Variants in MROH2B observed in about 807,000 individuals in gnomAD.
The protein encoded by MROH2B is maestro heat-like repeat-containing protein family member 2B.
A neutral mutation model predicts 208.6 loss-of-function variants in MROH2B; 177 were observed. The ratio of observed to expected loss-of-function variants is 0.85; its 90% CI spans 0.75 to 0.96. The LOEUF (loss-of-function observed/expected upper bound fraction) is 0.96. MROH2B is among the 40% of genes least tolerant of loss of function. The pLI, the probability that MROH2B is intolerant of heterozygous loss-of-function variation, is 0.00. For missense variants in MROH2B, 2,002 were observed against 1,878.7 expected (o/e 1.07, Z -1.21); for synonymous variants, 728 against 659.0 (o/e 1.10, Z -1.60).
Position 41,018,902 on chromosome 5 carries a change from T to A in MROH2B, c.2558A>T (p.Lys853Met). The change falls in exon 25 of 42, where the codon AAG becomes ATG. Residue 853 changes from lysine to methionine, a missense_variant. By Grantham distance (95) the Lys-to-Met change is moderately conservative. Transcript: ENST00000399564. ...GCATACTTGAATGTGCTCCTTGTCC[T>A]TGTCTGTCTGGCCTTCACTTTTCAG... is the stretch of plus-strand genomic sequence containing the variant. ...ENLKSEGQTD[K>M]DKEHIQFLYE... 2 of 1,613,900 alleles carry A rather than the reference T, an allele frequency of 1.2e-6. No homozygotes were observed.
intron 6 of MROH2B, among the ~76,000 whole-genome samples, chr5:41,059,653 A>G (rs1743574680): frequency 1.3e-5 from 2 of 152,116 alleles, no homozygotes; most frequent in Admixed American, 1.3e-4. Flanking sequence ...GTGCTGTAAC[A>G]CTCAGGACTA....
In MROH2B at chr5:40,998,677, T is replaced by C. The variant is rs74393302; in HGVS notation, c.4586A>G (p.Asp1529Gly). 50,583 of 1,572,602 alleles carry C rather than the reference T, an allele frequency of 0.032. 1,045 individuals carry two copies. The highest frequency in any genetic ancestry group is 0.062 in the Middle Eastern group (373 of 6,002). Reference protein sequence around the residue: ...VIRSAAVKLTDAVVLNLTSQY... With the variant: ...VIRSAAVKLTGAVVLNLTSQY... Reference sequence around the variant, plus strand: ...GCTGGTCAAATTGAGAACAACGGCATCTAAAGTTAATAGGAGACCATGTTA... The same window carrying C: ...GCTGGTCAAATTGAGAACAACGGCACCTAAAGTTAATAGGAGACCATGTTA... The change falls in exon 41 of 42, where the codon GAT (aspartate) becomes GGT (glycine). Residue 1529 changes from aspartate to glycine, a missense_variant and splice_region_variant. Physicochemically the swap from Asp to Gly is moderately conservative, Grantham distance 94. Transcript: ENST00000399564.
intron 24 of MROH2B, among the ~76,000 whole-genome samples, chr5:41,030,074 AT>A (rs2150165113): frequency 6.6e-6 from 1 of 150,446 alleles, no homozygotes; most frequent in South Asian, 2.2e-4. Flanking sequence ...TAAGAGGTTA[AT>A]GTCCAGAATA....
At position 41,049,225 on chromosome 5, in the gene MROH2B, T is replaced by A; in HGVS notation, c.1501+55A>T. On this transcript the variant is annotated intron_variant, in intron 14 of 41. Coordinates refer to ENST00000399564, the MANE Select transcript of MROH2B (RefSeq NM_173489.5). Reference sequence around the variant, plus strand: ...TAAGGTCAAAGCACTGTAGCCTTCCTGGAAATGGATCCCTCATAATAGAAA... The same window carrying A: ...TAAGGTCAAAGCACTGTAGCCTTCCAGGAAATGGATCCCTCATAATAGAAA... The A allele has an allele frequency of 2.5e-6, 4 of 1,610,410 alleles. No homozygotes were observed. In the South Asian group the frequency reaches 4.4e-5, roughly 18 times the overall value.
At chr5:41,062,999 A>G (rs772095811) in intron 5 of MROH2B, among the ~76,000 whole-genome samples, 9 of 152,138 alleles carry the variant, frequency 5.9e-5, no homozygotes, top group South Asian at 2.1e-4. Flanking sequence ...GTATGGATGA[A>G]TGGCTGGATG....
At chr5:41,018,860 A>G in intron 25 of MROH2B, 23 bp downstream of exon 25, 1 of 1,613,762 alleles carries the variant, frequency 6.2e-7, no homozygotes, top group South Asian at 1.1e-5. Context: ...CTGTCATCCT[A>G]CTTAGGCCTC....
intron 21 of MROH2B, among the ~76,000 whole-genome samples, chr5:41,037,266 T>C (rs1405982533): frequency 2.6e-5 from 4 of 152,180 alleles, no homozygotes; most frequent in African/African-American, 9.6e-5. Flanking sequence ...TAGTTTCTTG[T>C]AGAGATGAAG....
intron 35 of MROH2B, 40 bp downstream of exon 35, chr5:41,005,491 G>A (rs768042473): frequency 7.5e-7 from 1 of 1,338,104 alleles, no homozygotes; most frequent in Non-Finnish European, 1.0e-6. Context: ...ATACCCTATG[G>A]GGACCCAGTG....
rs755087797 is a variant in MROH2B, at chr5:41,032,812, T to C, written c.2371A>G (p.Arg791Gly). The change falls in exon 24 of 42, where the codon AGA (arginine) becomes GGA (glycine). Residue 791 changes from arginine to glycine, a missense_variant. Physicochemically the swap from Arg to Gly is moderately radical, Grantham distance 125 (BLOSUM62 -2). Coordinates refer to ENST00000399564, the MANE Select transcript of MROH2B (RefSeq NM_173489.5). ...GCTAAGGAATCCAGGGGCTCGTCTC[T>C]AATGAAGTCCTGAAACATAAATAAG... is the stretch of plus-strand genomic sequence containing the variant. ...MLIGYMLDFI[R>G]DEPLDSLASP... The C allele has an allele frequency of 6.2e-7, 1 of 1,611,780 alleles. No individual in the cohort carries two copies.
rs1325427528 is a variant in MROH2B, at chr5:41,005,633, C to A, written c.3762G>T (p.Val1254=). 1 of 1,610,650 alleles carries A rather than the reference C, an allele frequency of 6.2e-7. No homozygotes were observed. The highest frequency in any genetic ancestry group is 2.2e-5 in the East Asian group (1 of 44,800). ...GVCSLARSMA[V]WQHGVILDIM... is the part of the protein sequence containing the mutation. ...TGTCCAGTATGACTCCGTGTTGCCA[C>A]ACTGCCATGCTCCTAGAAAATGCAC... The change falls in exon 35 of 42, where the codon GTG becomes GTT. Residue 1254 remains valine, a synonymous_variant. Transcript: ENST00000399564.
In MROH2B at chr5:41,061,778, C is replaced by A. The variant is rs563842352; in HGVS notation, c.461-54G>T. 5.9e-6 allele frequency: 9 copies of A among 1,529,170 alleles called. No individual in the cohort carries two copies. In the East Asian group the frequency reaches 2.1e-4, roughly 35 times the overall value. 94.7% of individuals were successfully genotyped at this position (1,529,170 alleles called of 1,614,324 possible). A position where few individuals can be genotyped will look rare whatever the true frequency, so the allele number is the denominator to read the frequency against. On this transcript the variant is annotated intron_variant, in intron 5 of 41. Transcript: ENST00000399564. The stretch of plus-strand genomic sequence containing the variant: ...GAGAAAAATATAAGGATGGGGCAGA[C>A]GATAAAATAATTTGAGAAGAGAGTG...
At chr5:41,006,626 A>G (rs1333437220) in intron 34 of MROH2B, among the ~76,000 whole-genome samples, 1 of 152,256 alleles carries the variant, frequency 6.6e-6, no homozygotes, top group Admixed American at 6.5e-5. Context: ...AAAATGTGGT[A>G]TATATATACC....
intron 18 of MROH2B, among the ~76,000 whole-genome samples, chr5:41,043,415 A>G (rs1743014276): frequency 6.6e-6 from 1 of 152,236 alleles, no homozygotes; most frequent in Non-Finnish European, 1.5e-5. Flanking sequence ...GCTAAAGTCT[A>G]TTTAAGCCCA....
intron 20 of MROH2B, 59 bp downstream of exon 20, chr5:41,039,389 G>T: frequency 1.0e-6 from 1 of 1,000,386 alleles, no homozygotes; most frequent in Non-Finnish European, 1.5e-6. Context: ...ATTCACTGAA[G>T]AAATCAGGGT....
intron 24 of MROH2B, among the ~76,000 whole-genome samples, chr5:41,022,372 G>C (rs1742180015): frequency 6.6e-6 from 1 of 152,198 alleles, no homozygotes. Context: ...TTTTCGCATG[G>C]TCTTAGCAAA....
intron 4 of MROH2B, among the ~76,000 whole-genome samples, chr5:41,065,027 T>G (rs566497720): frequency 6.6e-6 from 1 of 152,318 alleles, no homozygotes; most frequent in African/African-American, 2.4e-5. Flanking sequence ...GATCCTTATT[T>G]CATGTAAGTG....
chr5:41,045,667 A>G, intron 18 of MROH2B, 79 bp downstream of exon 18: 1 of 1,041,684 alleles, frequency 9.6e-7, no homozygotes, highest in Non-Finnish European at 1.5e-6. Flanking sequence ...TTTGATTGTG[A>G]TACAGACAAG....
intron 24 of MROH2B, among the ~76,000 whole-genome samples, chr5:41,026,739 A>G (rs1164507932): frequency 2.0e-5 from 3 of 152,220 alleles, no homozygotes; most frequent in Non-Finnish European, 2.9e-5. Flanking sequence ...AGACAATCCT[A>G]AGCCAAAAGA....
At position 41,008,675 on chromosome 5, in the gene MROH2B, G is replaced by C. The variant is rs34245494; in HGVS notation, c.3539C>G (p.Thr1180Ser). ...ATGCCGCCTATGGCTCCAGGGACAA[G>C]TGAGCATCTTCTGGCCCAGTGTGCA... ...VSCTLGQKMLTCPWSHRRHVM... is the reference protein window; with the variant it reads ...VSCTLGQKMLSCPWSHRRHVM... Residue 1180 changes from threonine (T) to serine (S), a missense_variant, in exon 33 of 42, where the codon ACT (threonine) becomes AGT (serine). By Grantham distance (58) the Thr-to-Ser change is moderately conservative. Coordinates refer to ENST00000399564, the MANE Select transcript of MROH2B (RefSeq NM_173489.5). 6.2e-7 allele frequency: 1 copy of C among 1,613,844 alleles called. No homozygotes were observed. The highest frequency in any genetic ancestry group is 1.3e-5 in the African/African-American group (1 of 74,920).
Sources: allele counts gnomAD v4.1 joint callset (sites outside exome capture counted in the v4.1 genomes callset), GRCh38; gene constraint gnomAD v4.1.1; transcripts MANE v1.5; gene names NCBI Gene and HGNC (gene_info 2026-07-23, HGNC 2026-07-21).